The following COL4A2 variants were observed in gnomAD, a reference collection of about 807,000 sequenced individuals.
COL4A2 encodes collagen type IV alpha 2 chain.
In COL4A2, 99 loss-of-function variants were observed where a neutral mutation model predicts 200.2. That is an observed-to-expected ratio of 0.49 (90% CI 0.42 to 0.58). COL4A2 has a LOEUF of 0.58. COL4A2 is among the 20% of genes least tolerant of loss of function. COL4A2 has a pLI of 0.00. For missense variants in COL4A2, 1,950 were observed against 2,314.1 expected, an observed-to-expected ratio of 0.84 and a Z score of 3.23; for synonymous variants, 897 against 900.6, an observed-to-expected ratio of 1.00 and a Z score of 0.07.
intron 28 of COL4A2, among the ~76,000 whole-genome samples, chr13:110,470,012 T>C (rs971365833): frequency 4.7e-5 from 7 of 149,664 alleles, no homozygotes; most frequent in Non-Finnish European, 1.0e-4. Context: ...CCTTCTGGGT[T>C]CAAGCGACTC....
chr13:110,491,381 C>A, intron 37 of COL4A2, 41 bp downstream of exon 37: 1 of 1,312,460 alleles, frequency 7.6e-7, no homozygotes, highest in Non-Finnish European at 1.1e-6. Context: ...TCAGGCAGGC[C>A]CTCCGGAGAC....
At chr13:110,494,070 A>G (rs1054181909) in intron 39 of COL4A2, among the ~76,000 whole-genome samples, 6 of 151,852 alleles carry the variant, frequency 4.0e-5, no homozygotes, top group African/African-American at 1.5e-4. Context: ...AGGGCTTCTT[A>G]CCACAGGAAA....
chr13:110,406,322 C>T (rs573011894), intron 4 of COL4A2, among the ~76,000 whole-genome samples: 1 of 152,280 alleles, frequency 6.6e-6, no homozygotes, highest in East Asian at 1.9e-4. Flanking sequence ...GAGGTGTAGG[C>T]CCCAAGCAGT....
At chr13:110,445,961 C>T in intron 17 of COL4A2, 79 bp downstream of exon 17, 1 of 1,474,530 alleles carries the variant, frequency 6.8e-7, no homozygotes, top group South Asian at 1.1e-5. Flanking sequence ...TTGATGGTGT[C>T]CTGTGGAGGC....
intron 4 of COL4A2, among the ~76,000 whole-genome samples, chr13:110,367,272 A>C (rs1594172784): frequency 6.6e-6 from 1 of 152,244 alleles, no homozygotes; most frequent in Non-Finnish European, 1.5e-5. Context: ...ACAAAATAAA[A>C]TGGAAGTAAT....
rs4773187 is a variant in COL4A2 at position 110,459,108 on chromosome 13, T to C, written c.1596+174T>C. The C allele has an allele frequency of 0.73, 422,444 of 577,500 alleles. 156,467 individuals are homozygous for C. Among genetic ancestry groups the C allele is most frequent in the Middle Eastern group, 0.83 (1,718 of 2,060 alleles). 35.8% of individuals were successfully genotyped at this position (577,500 alleles called of 1,614,324 possible). A position where few individuals can be genotyped will look rare whatever the true frequency, so the allele number is the denominator to read the frequency against. On this transcript the variant is annotated intron_variant, in intron 22 of 47. Transcript: ENST00000360467. ...CATACCCCAAGGCGGACTTTCTACA[T>C]GTCCACTGGTGAGACTGAGAAGGGG...
chr13:110,504,937 T>C (rs765513621), intron 45 of COL4A2, among the ~76,000 whole-genome samples: 3 of 150,792 alleles, frequency 2.0e-5, no homozygotes, highest in Non-Finnish European at 4.4e-5. Flanking sequence ...TTTGCACATA[T>C]ACAGAATGAA....
At chr13:110,455,221 G>A (rs558175344) in intron 20 of COL4A2, among the ~76,000 whole-genome samples, 5 of 152,088 alleles carry the variant, frequency 3.3e-5, no homozygotes, top group Admixed American at 6.5e-5. Flanking sequence ...TACTGCCCTC[G>A]GGGTAAAAGC....
chr13:110,363,782 A>G (rs947299586), intron 4 of COL4A2, among the ~76,000 whole-genome samples: 7 of 152,152 alleles, frequency 4.6e-5, no homozygotes, highest in African/African-American at 1.7e-4. Flanking sequence ...AAATAAAACT[A>G]AATCTTCCCC....
At chr13:110,461,914 G>A in intron 22 of COL4A2, 200 bp from the exon 23 acceptor site, 1 of 671,594 alleles carries the variant, frequency 1.5e-6, no homozygotes, top group Non-Finnish European at 2.5e-6. Flanking sequence ...GTGCTCCACA[G>A]CCACTGTGGC....
At chr13:110,491,489 T>C in intron 37 of COL4A2, 149 bp downstream of exon 37, 1 of 646,272 alleles carries the variant, frequency 1.5e-6, no homozygotes, top group East Asian at 2.7e-5. Context: ...CTTTCCTCAG[T>C]GCTGATGGCA....
chr13:110,330,024 G>A (rs919792485), intron 3 of COL4A2, among the ~76,000 whole-genome samples: 6 of 152,190 alleles, frequency 3.9e-5, no homozygotes, highest in African/African-American at 1.4e-4. Context: ...AACACTGTGT[G>A]TATTTTGCTT....
At chr13:110,436,244 A>G (rs1880864580) in intron 12 of COL4A2, 25 bp from the exon 13 acceptor site, 6 of 1,612,724 alleles carry the variant, frequency 3.7e-6, no homozygotes, top group Admixed American at 1.7e-5. Context: ...TTTAAAGACA[A>G]CTGCTTTTGC....
intron 22 of COL4A2, among the ~76,000 whole-genome samples, chr13:110,461,778 G>A (rs1301266790): frequency 6.6e-6 from 1 of 152,034 alleles, no homozygotes; most frequent in Non-Finnish European, 1.5e-5. Context: ...CAAGTGATCC[G>A]CCCACCTCAG....
At chr13:110,409,060 GCACACACA>G (rs201303413) in intron 4 of COL4A2, among the ~76,000 whole-genome samples, 1 of 134,306 alleles carries the variant, frequency 7.4e-6, no homozygotes, top group Non-Finnish European at 1.6e-5. Flanking sequence ...ATATACACAT[GCACACACA>G]CGTACACACA....
intron 7 of COL4A2, among the ~76,000 whole-genome samples, 193 bp downstream of exon 7, chr13:110,428,776 CATT>C (rs1880565851): frequency 6.6e-6 from 1 of 152,208 alleles, no homozygotes; most frequent in African/African-American, 2.4e-5. Context: ...GATAGAAAAT[CATT>C]GTTGTGGTTG....
intron 12 of COL4A2, among the ~76,000 whole-genome samples, chr13:110,435,198 C>G (rs944471733): frequency 6.6e-6 from 1 of 151,220 alleles, no homozygotes; most frequent in African/African-American, 2.4e-5. Flanking sequence ...TAGAAGAAGT[C>G]AAAAAAGGAC....
chr13:110,344,796 A>G (rs1266050972), intron 3 of COL4A2, among the ~76,000 whole-genome samples: 3 of 152,150 alleles, frequency 2.0e-5, no homozygotes, highest in Non-Finnish European at 2.9e-5. Context: ...ACCCCCTTCT[A>G]TGAAACTATG....
At chr13:110,497,719 A>T (rs35232900) in intron 40 of COL4A2, among the ~76,000 whole-genome samples, 1 of 130,342 alleles carries the variant, frequency 7.7e-6, no homozygotes, top group Non-Finnish European at 1.7e-5. Flanking sequence ...GATCTAGGTC[A>T]GTCCACCAGC....
Sources: allele counts gnomAD v4.1 joint callset (sites outside exome capture counted in the v4.1 genomes callset), GRCh38; gene constraint gnomAD v4.1.1; transcripts MANE v1.5; gene names NCBI Gene and HGNC (gene_info 2026-07-23, HGNC 2026-07-21).